Variants in FAM114A1 observed in about 807,000 individuals in gnomAD.
FAM114A1 encodes the protein protein NOXP20.
A neutral mutation model predicts 64.3 loss-of-function variants in FAM114A1; 62 were observed. The ratio of observed to expected loss-of-function variants is 0.96; its 90% CI spans 0.79 to 1.19. The LOEUF (loss-of-function observed/expected upper bound fraction) is 1.19, where lower values mean the gene tolerates loss of function less well. FAM114A1 is among the 50% of genes most tolerant of loss of function. The pLI, the probability that FAM114A1 is intolerant of heterozygous loss-of-function variation, is 0.00. For missense variants in FAM114A1, 645 were observed against 676.3 expected, an observed-to-expected ratio of 0.95 and a Z score of 0.51; for synonymous variants, 254 against 251.1, an observed-to-expected ratio of 1.01 and a Z score of -0.11.
chr4:38,917,953 A>G (rs1312974758), intron 8 of FAM114A1, among the ~76,000 whole-genome samples: 1 of 152,046 alleles, frequency 6.6e-6, no homozygotes, highest in African/African-American at 2.4e-5. Flanking sequence ...GCGGTGACTC[A>G]CGCCTGTAAT....
At chr4:38,908,200 A>T (rs891324669) in intron 6 of FAM114A1, among the ~76,000 whole-genome samples, 2 of 151,954 alleles carry the variant, frequency 1.3e-5, no homozygotes, top group Non-Finnish European at 2.9e-5. Context: ...GGTTAAAAAA[A>T]TTTTTAAACA....
intron 3 of FAM114A1, among the ~76,000 whole-genome samples, chr4:38,885,087 G>A (rs1715664971): frequency 6.6e-6 from 1 of 152,042 alleles, no homozygotes; most frequent in African/African-American, 2.4e-5. Context: ...TGATTCTCTT[G>A]CCTCAGCCTC....
intron 9 of FAM114A1, 112 bp downstream of exon 9, chr4:38,923,005 G>C (rs1579384347): frequency 1.6e-6 from 2 of 1,212,824 alleles, no homozygotes; most frequent in African/African-American, 3.1e-5. Context: ...CCTCCTCCAT[G>C]CTTCCAAAAG....
At chr4:38,928,117 T>C (rs1720310391) in intron 9 of FAM114A1, among the ~76,000 whole-genome samples, 3 of 151,748 alleles carry the variant, frequency 2.0e-5, no homozygotes, top group Admixed American at 2.0e-4. Flanking sequence ...GGGCTGCAGA[T>C]CAACCATTTT....
intron 3 of FAM114A1, among the ~76,000 whole-genome samples, chr4:38,889,512 A>G (rs1361353015): frequency 6.6e-6 from 1 of 152,198 alleles, no homozygotes; most frequent in Non-Finnish European, 1.5e-5. Context: ...GCCAGGCACT[A>G]TGCTCGCAAC....
intron 12 of FAM114A1, among the ~76,000 whole-genome samples, chr4:38,932,597 C>T (rs1720746210): frequency 6.6e-6 from 1 of 152,056 alleles, no homozygotes; most frequent in Non-Finnish European, 1.5e-5. Flanking sequence ...CCTGGGCTCA[C>T]GTGACCCTCC....
Position 38,922,836 on chromosome 4 carries a change from A to G in FAM114A1, c.1012A>G (p.Ile338Val). Residue 338 changes from isoleucine to valine, a missense_variant, in exon 9 of 15, where the codon ATT becomes GTT. Transcript: ENST00000358869. The part of the protein sequence containing the change: ...LELLKNDLIS[I>V]KDIFAAKELE... ...ACTCTTAAAAAATGACCTAATTTCC[A>G]TTAAAGACATCTTTGCAGCCAAAGA... 2 of 1,613,800 alleles carry G rather than the reference A, an allele frequency of 1.2e-6. No individual in the cohort carries two copies. The highest frequency in any genetic ancestry group is 1.3e-5 in the African/African-American group (1 of 75,048).
intron 4 of FAM114A1, among the ~76,000 whole-genome samples, chr4:38,899,238 A>T (rs1156881209): frequency 6.6e-6 from 1 of 152,178 alleles, no homozygotes; most frequent in African/African-American, 2.4e-5. Context: ...CCAAGGGAGA[A>T]GCTGAACTGC....
chr4:38,907,056 A>G (rs1718078272), intron 6 of FAM114A1, among the ~76,000 whole-genome samples: 1 of 152,168 alleles, frequency 6.6e-6, no homozygotes, highest in African/African-American at 2.4e-5. Flanking sequence ...ATTCGGGAAG[A>G]GGTGAGGGCT....
intron 4 of FAM114A1, among the ~76,000 whole-genome samples, chr4:38,897,348 C>T (rs184447420): frequency 1.3e-5 from 2 of 152,096 alleles, no homozygotes; most frequent in African/African-American, 4.8e-5. Context: ...ATATTTGTGC[C>T]CACTGTGCTA....
chr4:38,883,109 G>A (rs768217252), intron 3 of FAM114A1, among the ~76,000 whole-genome samples: 7 of 152,088 alleles, frequency 4.6e-5, no homozygotes, highest in African/African-American at 7.2e-5. Flanking sequence ...AGGTTGGACC[G>A]GATTCTCTAA....
intron 3 of FAM114A1, among the ~76,000 whole-genome samples, chr4:38,881,975 A>C (rs374091157): frequency 3.3e-5 from 5 of 152,180 alleles, no homozygotes; most frequent in African/African-American, 1.2e-4. Context: ...ATTTGACCCC[A>C]TGTACATCTA....
At chr4:38,921,426 T>G (rs554382915) in intron 8 of FAM114A1, among the ~76,000 whole-genome samples, 14 of 151,828 alleles carry the variant, frequency 9.2e-5, no homozygotes, top group African/African-American at 3.4e-4. Context: ...CCTGGCTAAT[T>G]TTCTTAAAAT....
chr4:38,935,908 T>A, intron 13 of FAM114A1, 118 bp downstream of exon 13: 1 of 731,850 alleles, frequency 1.4e-6, no homozygotes, highest in Non-Finnish European at 2.3e-6. Context: ...TGCCATGATG[T>A]AAGCTGAAGT....
In FAM114A1 at chr4:38,932,257, A is replaced by C; in HGVS notation, c.1346A>C (p.Glu449Ala). Residue 449 changes from glutamate (E) to alanine (A), a missense_variant, in exon 12 of 15, where the codon GAA (glutamate) becomes GCA (alanine). Physicochemically the swap from Glu to Ala is moderately radical, Grantham distance 107 (BLOSUM62 -1). Coordinates refer to ENST00000358869, the MANE Select transcript of FAM114A1 (RefSeq NM_138389.4). ...CAGGAAGTATACATGTCGTCCATTGAAAGTCTGGCGGAGGTAACAGCGCGC... is the reference window on the plus strand; with the variant it reads ...CAGGAAGTATACATGTCGTCCATTGCAAGTCTGGCGGAGGTAACAGCGCGC... ...TIEEVYMSSI[E>A]SLAEVTARCI... The C allele has an allele frequency of 6.2e-7, 1 of 1,606,492 alleles. No homozygotes were observed. Among genetic ancestry groups the C allele is most frequent in the Non-Finnish European group, 8.5e-7 (1 of 1,178,294 alleles).
chr4:38,876,057 G>A (rs763395399), intron 2 of FAM114A1, among the ~76,000 whole-genome samples: 4 of 151,792 alleles, frequency 2.6e-5, no homozygotes, highest in Non-Finnish European at 1.5e-5. Context: ...GGAATACTGT[G>A]TGTGTATAGG....
chr4:38,905,498 GA>G, intron 4 of FAM114A1, 23 bp from the exon 5 acceptor site: 1 of 1,562,060 alleles, frequency 6.4e-7, no homozygotes, highest in Non-Finnish European at 8.8e-7. Context: ...ATGTATCCAT[GA>G]ACCATATTTT....
chr4:38,891,925 T>A lies in FAM114A1; in HGVS notation c.436+95T>A, dbSNP rs1579319963. 3.6e-6 allele frequency: 4 copies of A among 1,116,620 alleles called. No individual in the cohort carries two copies. In the East Asian group the frequency reaches 1.1e-4, roughly 30 times the overall value. The allele number at this position is 1,116,620 out of a possible 1,614,324, so 69.2% of individuals were successfully genotyped here. Reference sequence around the variant, plus strand: ...ACTGTATACTAATAGAGTTTAACATTAGCCCGTGAGCAAACCATGTTTAGT... The same window carrying A: ...ACTGTATACTAATAGAGTTTAACATAAGCCCGTGAGCAAACCATGTTTAGT... On this transcript the variant is annotated intron_variant, in intron 4 of 14. Coordinates refer to ENST00000358869, the MANE Select transcript of FAM114A1 (RefSeq NM_138389.4).
chr4:38,925,544 AAAT>A (rs1720026740), intron 9 of FAM114A1, among the ~76,000 whole-genome samples: 1 of 152,190 alleles, frequency 6.6e-6, no homozygotes, highest in Admixed American at 6.5e-5. Flanking sequence ...CCTAACAACT[AAAT>A]AATTTATTTG....
Sources: allele counts gnomAD v4.1 joint callset (sites outside exome capture counted in the v4.1 genomes callset), GRCh38; gene constraint gnomAD v4.1.1; transcripts MANE v1.5; gene names NCBI Gene and HGNC (gene_info 2026-07-23, HGNC 2026-07-21).